CCDC18: variants seen among roughly 807,000 people sequenced by gnomAD.
The protein encoded by CCDC18 is coiled-coil domain-containing protein 18.
A neutral mutation model predicts 196.0 loss-of-function variants in CCDC18; 157 were observed. The observed-to-expected ratio is 0.80, with a 90% CI of 0.70 to 0.91. The LOEUF (loss-of-function observed/expected upper bound fraction) is 0.91, where lower values mean the gene tolerates loss of function less well. Ranked by LOEUF, CCDC18 falls within the 40% of genes least tolerant of loss-of-function variation. The pLI, the probability that CCDC18 is intolerant of heterozygous loss-of-function variation, is 0.00. For missense variants in CCDC18, 1,465 were observed against 1,611.6 expected (o/e 0.91, Z 1.56); for synonymous variants, 482 against 529.2 (o/e 0.91, Z 1.22).
At chr1:93,189,136 C>T (rs994798766) in intron 4 of CCDC18, among the ~76,000 whole-genome samples, 7 of 152,266 alleles carry the variant, frequency 4.6e-5, no homozygotes, top group South Asian at 4.1e-4. Flanking sequence ...CTGCCCTTCC[C>T]GGCCTCTGGT....
At chr1:93,220,121 A>T (rs1489655781) in intron 14 of CCDC18, among the ~76,000 whole-genome samples, 2 of 152,208 alleles carry the variant, frequency 1.3e-5, no homozygotes, top group African/African-American at 4.8e-5. Context: ...AACTAAAACA[A>T]AAAACTTTGA....
chr1:93,239,195 C>A, intron 19 of CCDC18, 115 bp from the exon 20 acceptor site: 1 of 723,858 alleles, frequency 1.4e-6, no homozygotes, highest in Non-Finnish European at 2.2e-6. Context: ...AAAATTCCAA[C>A]TAGATATTTT....
intron 14 of CCDC18, among the ~76,000 whole-genome samples, chr1:93,218,399 T>C (rs193206571): frequency 1.6e-3 from 248 of 152,302 alleles, no homozygotes; most frequent in Non-Finnish European, 2.6e-3. Flanking sequence ...AGTAAGAGAT[T>C]AGCAAGAATT....
Position 93,214,983 on chromosome 1 carries a change from C to T in CCDC18, c.1719+17C>T, listed in dbSNP as rs575578208. The stretch of plus-strand genomic sequence containing the variant: ...GAAAGTGAAGTAAGCTTGGAATTAG[C>T]TTGGTATATATGTTAATTTTTGAAC... On this transcript the variant is annotated intron_variant, in intron 12 of 28. Transcript: ENST00000690025. 53 of 1,516,420 alleles carry T rather than the reference C, an allele frequency of 3.5e-5. 1 individual carries two copies. In the South Asian group the frequency reaches 6.1e-4, roughly 17 times the overall value. The allele number at this position is 1,516,420 out of a possible 1,614,324, so 93.9% of individuals were successfully genotyped here. A position where few individuals can be genotyped will look rare whatever the true frequency, so the allele number is the denominator to read the frequency against.
intron 28 of CCDC18, among the ~76,000 whole-genome samples, chr1:93,274,525 A>T (rs544940497): frequency 2.6e-5 from 4 of 152,266 alleles, no homozygotes; most frequent in Admixed American, 2.6e-4. Flanking sequence ...TTCAATTATC[A>T]TTGAAGATCA....
At chr1:93,267,157 T>C (rs1010389354) in intron 27 of CCDC18, among the ~76,000 whole-genome samples, 2 of 152,192 alleles carry the variant, frequency 1.3e-5, no homozygotes, top group Non-Finnish European at 2.9e-5. Flanking sequence ...AATCAATAAA[T>C]GTAATCCATC....
At chr1:93,268,802 C>A (rs797667) in intron 27 of CCDC18, among the ~76,000 whole-genome samples, 70,840 of 150,526 alleles carry the variant, frequency 0.47, 19,832 homozygotes, top group African/African-American at 0.79. Flanking sequence ...ATGTGGAGAA[C>A]TAGGAACACT....
At chr1:93,252,916 T>G (rs1347802363) in intron 23 of CCDC18, among the ~76,000 whole-genome samples, 1 of 152,198 alleles carries the variant, frequency 6.6e-6, no homozygotes, top group Non-Finnish European at 1.5e-5. Flanking sequence ...CTGGCCCACA[T>G]GGACCTGGGA....
intron 11 of CCDC18, among the ~76,000 whole-genome samples, chr1:93,214,191 C>T (rs1204107392): frequency 6.6e-6 from 1 of 152,228 alleles, no homozygotes; most frequent in East Asian, 1.9e-4. Flanking sequence ...TGTTGAATAG[C>T]TCAGATAACA....
intron 1 of CCDC18, 145 bp from the exon 2 acceptor site, chr1:93,183,215 T>C (rs986998108): frequency 1.2e-5 from 6 of 519,006 alleles, no homozygotes; most frequent in Non-Finnish European, 1.9e-5. Context: ...TATTATTGAT[T>C]TTTTGTTTTG....
rs190198521 is a variant in CCDC18 at position 93,259,271 on chromosome 1, C to T, written c.3684+386C>T. The stretch of plus-strand genomic sequence containing the variant: ...GAAATATTTAATAACTGATATAAAC[C>T]GTTTCATGTGATGTAAATCTATAAT... On this transcript the variant is annotated intron_variant, in intron 26 of 28. Coordinates refer to ENST00000690025, the MANE Select transcript of CCDC18 (RefSeq NM_001378204.1). 2.2e-4 allele frequency among the ~76,000 whole-genome samples: 33 copies of T among 151,998 alleles called. No individual in the cohort carries two copies. The Middle Eastern group carries it at 0.014, about 63-fold the overall frequency.
chr1:93,240,005 C>G (rs1227177240), intron 21 of CCDC18, 109 bp downstream of exon 21: 3 of 785,348 alleles, frequency 3.8e-6, no homozygotes, highest in African/African-American at 1.8e-5. Flanking sequence ...CTTTGGCTCA[C>G]TTTGGCTCAT....
At position 93,252,019 on chromosome 1, in the gene CCDC18, G is replaced by GTCTATCTA. The variant is rs55887771; in HGVS notation, c.3199-2437_3199-2430dup. 3.9e-3 allele frequency among the ~76,000 whole-genome samples: 592 copies of GTCTATCTA among 150,346 alleles called. 2 individuals are homozygous for GTCTATCTA. The highest frequency in any genetic ancestry group is 0.011 in the African/African-American group (455 of 40,724). On this transcript the variant is annotated intron_variant, in intron 23 of 28. Transcript: ENST00000690025. ...AGTCTATTTATCTATCTATCTGTCT[G>GTCTATCTA]TCTATCTATCTATCTATCTATCAAA...
At chr1:93,267,455 G>T (rs1003026665) in intron 27 of CCDC18, among the ~76,000 whole-genome samples, 1 of 152,144 alleles carries the variant, frequency 6.6e-6, no homozygotes, top group South Asian at 2.1e-4. Flanking sequence ...AATCAGGCAG[G>T]AGAAAGAAAG....
At chr1:93,267,878 T>A (rs1228820669) in intron 27 of CCDC18, among the ~76,000 whole-genome samples, 1 of 152,136 alleles carries the variant, frequency 6.6e-6, no homozygotes, top group South Asian at 2.1e-4. Context: ...AATTTATAGA[T>A]TCAATGCCAT....
Position 93,267,554 on chromosome 1 carries a change from G to C in CCDC18, c.3885+2653G>C, listed in dbSNP as rs184117162. 2.0e-5 allele frequency among the ~76,000 whole-genome samples: 3 copies of C among 152,284 alleles called. No individual in the cohort carries two copies. The East Asian group carries it at 5.8e-4, about 29-fold the overall frequency. On this transcript the variant is annotated intron_variant, in intron 27 of 28. Transcript: ENST00000690025. ...ATATTTAGAAAACCCTATCATCTCAGCCCCAAATCTCCTTAAGCTGATAAC... is the reference window on the plus strand; with the variant it reads ...ATATTTAGAAAACCCTATCATCTCACCCCCAAATCTCCTTAAGCTGATAAC...
At chr1:93,265,384 G>C (rs569406524) in intron 27 of CCDC18, among the ~76,000 whole-genome samples, 1 of 152,242 alleles carries the variant, frequency 6.6e-6, no homozygotes, top group Non-Finnish European at 1.5e-5. Context: ...CCTTCTTTGA[G>C]TCTTAAGAAA....
intron 9 of CCDC18, among the ~76,000 whole-genome samples, chr1:93,207,829 A>T (rs1487848580): frequency 1.3e-5 from 2 of 152,170 alleles, no homozygotes; most frequent in African/African-American, 2.4e-5. Flanking sequence ...AGACACTAAT[A>T]GTTTTTGCAT....
At chr1:93,272,993 G>A (rs532835842) in intron 28 of CCDC18, among the ~76,000 whole-genome samples, 1 of 152,246 alleles carries the variant, frequency 6.6e-6, no homozygotes, top group East Asian at 1.9e-4. Context: ...GGGAAGGCAG[G>A]CAGAATATGG....
Sources: allele counts gnomAD v4.1 joint callset (sites outside exome capture counted in the v4.1 genomes callset), GRCh38; gene constraint gnomAD v4.1.1; transcripts MANE v1.5; gene names NCBI Gene and HGNC (gene_info 2026-07-23, HGNC 2026-07-21).